COPG2: variants seen among roughly 807,000 people sequenced by gnomAD.
COPG2 encodes the protein coatomer subunit gamma-2.
In COPG2, 37 loss-of-function variants were observed where a neutral mutation model predicts 46.3. That is an observed-to-expected ratio of 0.80 (90% CI 0.61 to 1.05). The LOEUF (loss-of-function observed/expected upper bound fraction) is 1.05. Ranked by LOEUF, COPG2 falls within the 50% of genes least tolerant of loss-of-function variation. The pLI is 0.00. For synonymous variants in COPG2, 159 were observed against 129.7 expected (o/e 1.23, Z -1.53); for missense variants, 427 against 387.8 (o/e 1.10, Z -0.85).
chr7:130,577,903 C>T (rs1794041586), intron 9 of COPG2, among the ~76,000 whole-genome samples: 2 of 151,854 alleles, frequency 1.3e-5, no homozygotes, highest in African/African-American at 4.8e-5. Flanking sequence ...AACTGCAAGG[C>T]GGCAGCGAGG....
In COPG2 at chr7:130,550,653, T is replaced by C; in HGVS notation, c.1649-4A>G. ...CCTGGTACAGAGACCGTCAAACCTG[T>C]GAAACATAGAGAAATCTCAGCATTA... On this transcript the variant is annotated splice_region_variant and splice_polypyrimidine_tract_variant and intron_variant, in intron 16 of 23. Transcript: ENST00000425248. 2.5e-6 allele frequency: 1 copy of C among 397,250 alleles called. No homozygotes were observed. The allele number at this position is 397,250 out of a possible 1,614,324, so 24.6% of individuals were successfully genotyped here.
chr7:130,553,287 A>C (rs1793561825), intron 14 of COPG2, among the ~76,000 whole-genome samples: 1 of 152,178 alleles, frequency 6.6e-6, no homozygotes, highest in South Asian at 2.1e-4. Flanking sequence ...ATTATTATTA[A>C]AGGATATTAA....
At chr7:130,535,875 AAC>A (rs1254286573) in intron 20 of COPG2, among the ~76,000 whole-genome samples, 3 of 152,054 alleles carry the variant, frequency 2.0e-5, no homozygotes, top group Non-Finnish European at 4.4e-5. Flanking sequence ...AAGAAGAAAA[AAC>A]AGAGTAGCTC....
At chr7:130,582,593 A>C (rs1794175315) in intron 9 of COPG2, among the ~76,000 whole-genome samples, 1 of 150,584 alleles carries the variant, frequency 6.6e-6, no homozygotes, top group African/African-American at 2.4e-5. Flanking sequence ...TTTGCAACCT[A>C]CTCATCTGAC....
intron 9 of COPG2, among the ~76,000 whole-genome samples, chr7:130,586,962 A>G (rs782015776): frequency 3.3e-5 from 5 of 152,066 alleles, no homozygotes; most frequent in Non-Finnish European, 7.4e-5. Flanking sequence ...TATAAATTAC[A>G]TATAATTCCT....
chr7:130,577,520 G>C (rs550398164), intron 9 of COPG2, among the ~76,000 whole-genome samples: 1 of 152,162 alleles, frequency 6.6e-6, no homozygotes, highest in Non-Finnish European at 1.5e-5. Flanking sequence ...CCAGCACTTT[G>C]GGAGGCCGAG....
At chr7:130,632,490 A>T (rs1238480990) in intron 5 of COPG2, among the ~76,000 whole-genome samples, 1 of 152,190 alleles carries the variant, frequency 6.6e-6, no homozygotes, top group Non-Finnish European at 1.5e-5. Context: ...ATCTTTCTCC[A>T]AATTTGTAAG....
intron 9 of COPG2, among the ~76,000 whole-genome samples, chr7:130,576,041 C>T (rs1793993856): frequency 6.6e-6 from 1 of 152,150 alleles, no homozygotes; most frequent in Non-Finnish European, 1.5e-5. Context: ...CATATATCCA[C>T]CCAAAACTTG....
chr7:130,527,934 G>C (rs1799789401), intron 20 of COPG2, among the ~76,000 whole-genome samples: 1 of 152,152 alleles, frequency 6.6e-6, no homozygotes, highest in Admixed American at 6.5e-5. Context: ...GCCCAGAGAA[G>C]GGCCCAGTGA....
intron 20 of COPG2, among the ~76,000 whole-genome samples, chr7:130,516,250 T>C (rs911113996): frequency 4.6e-5 from 7 of 152,136 alleles, no homozygotes; most frequent in Admixed American, 6.5e-5. Flanking sequence ...AAGGTCATGA[T>C]GGAAAATAAA....
rs1794513853 is a variant in COPG2 at position 130,595,754 on chromosome 7, T to A, written c.737+15199A>T. On this transcript the variant is annotated intron_variant, in intron 9 of 23. Coordinates refer to ENST00000425248, the MANE Select transcript of COPG2 (RefSeq NM_012133.6). The stretch of plus-strand genomic sequence containing the variant: ...CCTTGAATTCCTTCTCATGATGGTG[T>A]CAAGAGTCTGGACACCGGCTGGCGC... Among the ~76,000 whole-genome samples the A allele has an allele frequency of 2.0e-5, 3 of 152,258 alleles. No individual in the cohort carries two copies. The South Asian group carries it at 6.2e-4, about 32-fold the overall frequency.
chr7:130,637,431 CTT>C (rs1795364940), intron 5 of COPG2, among the ~76,000 whole-genome samples: 4 of 152,206 alleles, frequency 2.6e-5, no homozygotes, highest in Admixed American at 2.6e-4. Flanking sequence ...CCTTTTCATT[CTT>C]TCTTCTCTAA....
chr7:130,582,213 C>G (rs1486085003), intron 9 of COPG2, among the ~76,000 whole-genome samples: 1 of 149,048 alleles, frequency 6.7e-6, no homozygotes, highest in East Asian at 2.0e-4. Context: ...ACTATCTGAT[C>G]TTTGACAAAC....
At chr7:130,527,767 C>T (rs1239008963) in intron 20 of COPG2, among the ~76,000 whole-genome samples, 1 of 152,002 alleles carries the variant, frequency 6.6e-6, no homozygotes, top group Non-Finnish European at 1.5e-5. Context: ...GCATCAGGGT[C>T]AAGACTGTCA....
intron 5 of COPG2, among the ~76,000 whole-genome samples, chr7:130,644,585 T>C (rs1182686104): frequency 2.0e-5 from 3 of 152,200 alleles, no homozygotes; most frequent in Non-Finnish European, 4.4e-5. Context: ...TATAGTCCTT[T>C]GGCGAGAGTT....
chr7:130,577,488 G>A (rs1186568583), intron 9 of COPG2, among the ~76,000 whole-genome samples: 5 of 152,150 alleles, frequency 3.3e-5, no homozygotes, highest in African/African-American at 4.8e-5. Context: ...CAGGCCAGGC[G>A]CGGTGGCTCA....
intron 3 of COPG2, among the ~76,000 whole-genome samples, chr7:130,663,870 C>T (rs1554461093): frequency 2.0e-5 from 3 of 150,666 alleles, no homozygotes; most frequent in Non-Finnish European, 4.4e-5. Flanking sequence ...TCCCAAGTAG[C>T]TGTGATTACA....
At chr7:130,526,363 C>T (rs1169627550) in intron 20 of COPG2, among the ~76,000 whole-genome samples, 1 of 151,960 alleles carries the variant, frequency 6.6e-6, no homozygotes, top group Non-Finnish European at 1.5e-5. Flanking sequence ...AGCAATAGGC[C>T]CTGGGTGGTT....
At chr7:130,520,913 G>C (rs1799718426) in intron 20 of COPG2, among the ~76,000 whole-genome samples, 1 of 152,126 alleles carries the variant, frequency 6.6e-6, no homozygotes, top group African/African-American at 2.4e-5. Flanking sequence ...AAACATGTCT[G>C]CTAATGAACT....
Sources: gnomAD v4.1 joint callset for allele counts (sites outside exome capture counted in the v4.1 genomes callset) on GRCh38, gnomAD v4.1.1 for gene constraint, MANE v1.5 for transcripts, NCBI Gene and HGNC (gene_info 2026-07-23, HGNC 2026-07-21) for gene names.